LCOR: variants seen among roughly 807,000 people sequenced by gnomAD.
LCOR encodes ligand-dependent corepressor.
LCOR carries 14 observed loss-of-function variants against 64.4 expected under a neutral mutation model. The observed-to-expected ratio is 0.22, with a 90% CI of 0.14 to 0.34. LCOR has a LOEUF of 0.34. LCOR is among the 10% of genes least tolerant of loss of function. The pLI, the probability that LCOR is intolerant of heterozygous loss-of-function variation, is 1.00. For missense variants in LCOR, 1,686 were observed against 1,765.3 expected (o/e 0.96, Z 0.80); for synonymous variants, 643 against 642.5 (o/e 1.00, Z -0.01).
chr10:96,885,785 G>C (rs1846332968), intron 2 of LCOR, among the ~76,000 whole-genome samples: 1 of 151,908 alleles, frequency 6.6e-6, no homozygotes, highest in Non-Finnish European at 1.5e-5. Context: ...GGGTTGGTCA[G>C]GTTTTACTTA....
chr10:96,962,929 G>A (rs1387131368), intron 7 of LCOR: 1 of 152,222 alleles, frequency 6.6e-6, no homozygotes, highest in Non-Finnish European at 1.5e-5. Flanking sequence ...CTCAGGGACA[G>A]TTTACACACT....
rs1009526615 is a variant in LCOR at position 96,993,749 on chromosome 10, A to T, written c.*8615A>T. 1 of 146,342 alleles carries T rather than the reference A, an allele frequency of 6.8e-6. No individual in the cohort carries two copies. The highest frequency in any genetic ancestry group is 1.5e-5 in the Non-Finnish European group (1 of 67,194). 9.1% of individuals were successfully genotyped at this position (146,342 alleles called of 1,614,324 possible). A position where few individuals can be genotyped will look rare whatever the true frequency, so the allele number is the denominator to read the frequency against. On this transcript the variant is annotated 3_prime_UTR_variant, in exon 8 of 8. Coordinates refer to ENST00000421806, the MANE Select transcript of LCOR (RefSeq NM_001346516.2). ...TCTTCTCATCTGGTTATGTTATATTATATATATATATTATATATATATATA... is the reference window on the plus strand; with the variant it reads ...TCTTCTCATCTGGTTATGTTATATTTTATATATATATTATATATATATATA...
At position 96,982,305 on chromosome 10, in the gene LCOR, C is replaced by G; in HGVS notation, c.1845C>G (p.Ser615Arg). ...SPRSEETTASSLVWPLPAHLP... is the reference protein window; with the variant it reads ...SPRSEETTASRLVWPLPAHLP... ...GGTCAGAGGAAACGACAGCCTCCAG[C>G]CTGGTGTGGCCTCTCCCTGCTCACC... The change falls in exon 8 of 8, where the codon AGC (serine) becomes AGG (arginine). Residue 615 changes from serine to arginine, a missense_variant. Coordinates refer to ENST00000421806, the MANE Select transcript of LCOR (RefSeq NM_001346516.2). 6.2e-7 allele frequency: 1 copy of G among 1,614,232 alleles called. No homozygotes were observed. The highest frequency in any genetic ancestry group is 8.5e-7 in the Non-Finnish European group (1 of 1,180,038).
At chr10:96,912,607 T>TCTTCCTTTCTTC (rs1554836476) in intron 4 of LCOR, among the ~76,000 whole-genome samples, 31 of 140,394 alleles carry the variant, frequency 2.2e-4, no homozygotes, top group African/African-American at 5.8e-4. Flanking sequence ...TTTCTTCCTT[T>TCTTCCTTTCTTC]CTTCCTTCCT....
At chr10:96,841,888 C>T (rs973233978) in intron 2 of LCOR, among the ~76,000 whole-genome samples, 2 of 151,870 alleles carry the variant, frequency 1.3e-5, no homozygotes, top group Admixed American at 1.3e-4. Flanking sequence ...GCATGAGCCA[C>T]TCCACCCGGC....
chr10:96,978,230 AG>A (rs1273682097), intron 7 of LCOR, among the ~76,000 whole-genome samples: 1 of 152,234 alleles, frequency 6.6e-6, no homozygotes, highest in African/African-American at 2.4e-5. Flanking sequence ...CATCTCATTG[AG>A]TCGGAAAGTT....
chr10:96,844,366 C>A (rs1845592489), intron 2 of LCOR, among the ~76,000 whole-genome samples: 1 of 151,806 alleles, frequency 6.6e-6, no homozygotes. Flanking sequence ...ACCCAGTTTT[C>A]TTCAATCTTC....
intron 4 of LCOR, among the ~76,000 whole-genome samples, chr10:96,908,485 T>G (rs916495808): frequency 2.5e-4 from 38 of 152,360 alleles, no homozygotes; most frequent in African/African-American, 8.4e-4. Flanking sequence ...GTTTCTACTT[T>G]AAGACACTTC....
intron 2 of LCOR, among the ~76,000 whole-genome samples, chr10:96,893,327 C>A (rs1019047635): frequency 1.1e-4 from 16 of 152,180 alleles, no homozygotes; most frequent in African/African-American, 3.9e-4. Flanking sequence ...AAAACATAAC[C>A]TCTCTGCCTT....
At chr10:96,935,355 G>C (rs896198911) in intron 4 of LCOR, among the ~76,000 whole-genome samples, 1 of 151,812 alleles carries the variant, frequency 6.6e-6, no homozygotes, top group African/African-American at 2.4e-5. Context: ...CACCATGTTA[G>C]CCAGGCTGAT....
chr10:96,983,169 C>A lies in LCOR; in HGVS notation c.2709C>A (p.Gly903=). 1 of 1,614,012 alleles carries A rather than the reference C, an allele frequency of 6.2e-7. No individual in the cohort carries two copies. The change falls in exon 8 of 8, where the codon GGC becomes GGA. Residue 903 remains glycine (G), a synonymous_variant. Coordinates refer to ENST00000421806, the MANE Select transcript of LCOR (RefSeq NM_001346516.2). This position sits in a 1 kb window ranked among gnomAD's most constrained non-coding sequence, Gnocchi z 4.5. The stretch of plus-strand genomic sequence containing the variant: ...AAGATGCTGAGCAGGAGGGCGAAGG[C>A]GGGGGGATCATCACCAGGCAGACTT... ...SEKDAEQEGE[G]GGIITRQTLK... is the part of the protein sequence containing the mutation.
Position 96,981,818 on chromosome 10 carries a change from G to C in LCOR, c.1358G>C (p.Arg453Pro). ...ATATCAACCTCCATCAAGACAGCTC[G>C]GAAAAGTAAAAGGGCATCAGGGCTG... ...KMISTSIKTARKSKRASGLRI... is the reference protein window; with the variant it reads ...KMISTSIKTAPKSKRASGLRI... Residue 453 changes from arginine to proline, a missense_variant, in exon 8 of 8, where the codon CGG becomes CCG. This residue lies in a region of LCOR where 1,293 missense variants were observed against 1,410.4 expected (regional missense o/e 0.92). Transcript: ENST00000421806. The C allele has an allele frequency of 6.2e-7, 1 of 1,614,132 alleles. No individual in the cohort carries two copies. Among genetic ancestry groups the C allele is most frequent in the Non-Finnish European group, 8.5e-7 (1 of 1,180,030 alleles).
At chr10:96,917,943 G>GGA (rs1270810335) in intron 4 of LCOR, among the ~76,000 whole-genome samples, 1 of 152,140 alleles carries the variant, frequency 6.6e-6, no homozygotes, top group Non-Finnish European at 1.5e-5. Context: ...AGGAGAGAAT[G>GGA]GAGATAGCTC....
At chr10:96,840,944 C>T (rs1027694711) in intron 2 of LCOR, among the ~76,000 whole-genome samples, 7 of 152,142 alleles carry the variant, frequency 4.6e-5, no homozygotes, top group Admixed American at 4.6e-4. Context: ...TGGAGACAAG[C>T]CTGGGCAACA....
intron 4 of LCOR, among the ~76,000 whole-genome samples, chr10:96,919,027 TAAAC>T (rs1207816152): frequency 2.0e-5 from 3 of 152,206 alleles, no homozygotes; most frequent in South Asian, 2.1e-4. Context: ...GTCTAGATAT[TAAAC>T]AAAATCTTAT....
chr10:96,886,489 T>C (rs930648494), intron 2 of LCOR, among the ~76,000 whole-genome samples: 10 of 152,196 alleles, frequency 6.6e-5, no homozygotes, highest in Non-Finnish European at 1.3e-4. Context: ...TACTATTTAG[T>C]TTATAATATT....
chr10:96,862,062 T>C (rs1845896391), intron 2 of LCOR, among the ~76,000 whole-genome samples: 1 of 152,190 alleles, frequency 6.6e-6, no homozygotes, highest in East Asian at 1.9e-4. Context: ...AAGCACTTAT[T>C]TACAGTTACT....
In LCOR at chr10:96,992,397, C is replaced by T. The variant is rs1242710044; in HGVS notation, c.*7263C>T. On this transcript the variant is annotated 3_prime_UTR_variant, in exon 8 of 8. Transcript: ENST00000421806. Reference sequence around the variant, plus strand: ...GTTCTTTCTAGCCACCCATCCTCCCCAGCTACCATGCTCAACCATTGAGCC... The same window carrying T: ...GTTCTTTCTAGCCACCCATCCTCCCTAGCTACCATGCTCAACCATTGAGCC... 2.0e-5 allele frequency: 3 copies of T among 152,238 alleles called. No homozygotes were observed. The highest frequency in any genetic ancestry group is 7.2e-5 in the African/African-American group (3 of 41,462). The allele number at this position is 152,238 out of a possible 1,614,324, so 9.4% of individuals were successfully genotyped here.
intron 1 of LCOR, chr10:96,832,876 C>T (rs1344160207): frequency 1.1e-5 from 6 of 566,796 alleles, no homozygotes; most frequent in Non-Finnish European, 1.3e-5. Context: ...TGCGCCACCC[C>T]TCCCCCACGC....
Sources: gnomAD v4.1 joint callset for allele counts (sites outside exome capture counted in the v4.1 genomes callset) on GRCh38, gnomAD v4.1.1 for gene constraint, gnomAD v4.1.1 regional missense constraint, Gnocchi (gnomAD v3.1) non-coding constraint, MANE v1.5 for transcripts, NCBI Gene and HGNC (gene_info 2026-07-23, HGNC 2026-07-21) for gene names.